SELENOF: variants seen among roughly 807,000 people sequenced by gnomAD.
The protein encoded by SELENOF is selenoprotein F.
A neutral mutation model predicts 20.5 loss-of-function variants in SELENOF; 16 were observed. The observed-to-expected ratio is 0.78, with a 90% CI of 0.53 to 1.19. The LOEUF (loss-of-function observed/expected upper bound fraction) is 1.19. Among genes scored for constraint, SELENOF ranks in the 50% most tolerant of loss-of-function variants. SELENOF has a pLI of 0.00. For missense variants in SELENOF, 215 were observed against 194.2 expected, an observed-to-expected ratio of 1.11 and a Z score of -0.64; for synonymous variants, 78 against 74.5, an observed-to-expected ratio of 1.05 and a Z score of -0.24.
chr1:86,887,115 T>A, intron 2 of SELENOF: 2 of 1,483,348 alleles, frequency 1.3e-6, no homozygotes. Flanking sequence ...CATCTTCAAG[T>A]CTTCCCCATA....
intron 1 of SELENOF, among the ~76,000 whole-genome samples, chr1:86,911,929 G>A (rs1227764733): frequency 1.3e-5 from 2 of 151,700 alleles, no homozygotes; most frequent in Admixed American, 6.6e-5. Context: ...GCGCCACCAC[G>A]CCCAGCTAAT....
Position 86,911,569 on chromosome 1 carries a change from AG to A in SELENOF, c.84+2458del, listed in dbSNP as rs773285518. Among the ~76,000 whole-genome samples the A allele has an allele frequency of 3.3e-5, 5 of 152,358 alleles. No homozygotes were observed. In the East Asian group the frequency reaches 5.8e-4, roughly 18 times the overall value. ...TTTAATCATGACAGATTTAAATTTTAGGCAGATCACTTGATGCACTGTAGAG... is the reference window on the plus strand; with the variant it reads ...TTTAATCATGACAGATTTAAATTTTAGCAGATCACTTGATGCACTGTAGAG... On this transcript the variant is annotated intron_variant, in intron 1 of 4. Coordinates refer to ENST00000331835, the MANE Select transcript of SELENOF (RefSeq NM_004261.5).
chr1:86,879,428 G>A (rs1348726520), intron 3 of SELENOF, among the ~76,000 whole-genome samples: 1 of 151,934 alleles, frequency 6.6e-6, no homozygotes, highest in Non-Finnish European at 1.5e-5. Context: ...ATCTGCTTTG[G>A]GCCTCATTAA....
intron 3 of SELENOF, among the ~76,000 whole-genome samples, chr1:86,872,780 C>T (rs897153693): frequency 3.3e-5 from 5 of 152,050 alleles, no homozygotes; most frequent in African/African-American, 9.7e-5. Flanking sequence ...TGGTAGCTCA[C>T]GCCTGTAATC....
chr1:86,867,864 T>A (rs1658650281), intron 4 of SELENOF, among the ~76,000 whole-genome samples, 189 bp downstream of exon 4: 1 of 152,054 alleles, frequency 6.6e-6, no homozygotes, highest in Non-Finnish European at 1.5e-5. Flanking sequence ...TTCATAAACC[T>A]AAAAGTGCTC....
At chr1:86,900,092 TCA>T (rs1247547330) in intron 2 of SELENOF, among the ~76,000 whole-genome samples, 1 of 149,822 alleles carries the variant, frequency 6.7e-6, no homozygotes, top group Non-Finnish European at 1.5e-5. Flanking sequence ...GAGACGCTCC[TCA>T]CTTTCCAGAC....
intron 1 of SELENOF, among the ~76,000 whole-genome samples, chr1:86,907,440 G>C (rs1425676662): frequency 6.6e-6 from 1 of 152,122 alleles, no homozygotes; most frequent in East Asian, 1.9e-4. Flanking sequence ...TTAAGGCTTT[G>C]AATTTAAGGA....
chr1:86,909,416 T>G (rs1659919670), intron 1 of SELENOF, among the ~76,000 whole-genome samples: 2 of 152,190 alleles, frequency 1.3e-5, no homozygotes, highest in South Asian at 4.1e-4. Flanking sequence ...TTTGTATTTT[T>G]GAGAGTGGTT....
intron 4 of SELENOF, 119 bp from the exon 5 acceptor site, chr1:86,863,724 A>G (rs1012898296): frequency 4.9e-5 from 40 of 820,590 alleles, no homozygotes; most frequent in Non-Finnish European, 6.7e-5. Context: ...GCTTTTAGAC[A>G]TGACAATAAA....
At chr1:86,899,455 G>C (rs572136583) in intron 2 of SELENOF, among the ~76,000 whole-genome samples, 2,438 of 127,988 alleles carry the variant, frequency 0.019, 114 homozygotes, top group Non-Finnish European at 0.029. Context: ...GCGGCTGGCC[G>C]GGCAGAGGGG....
intron 3 of SELENOF, among the ~76,000 whole-genome samples, chr1:86,877,476 T>C (rs1658951801): frequency 6.6e-6 from 1 of 152,208 alleles, no homozygotes; most frequent in South Asian, 2.1e-4. Context: ...GATTTGGAAA[T>C]ACTTGCATAC....
rs1247666087 is a variant in SELENOF at position 86,900,370 on chromosome 1, G to C, written c.252+2911C>G. Reference sequence around the variant, plus strand: ...GGAGGCCGAGGCTGGCGGATCACTCGCGGTTAGGAGCTGGAGACCAGCCCG... The same window carrying C: ...GGAGGCCGAGGCTGGCGGATCACTCCCGGTTAGGAGCTGGAGACCAGCCCG... On this transcript the variant is annotated intron_variant, in intron 2 of 4. Coordinates refer to ENST00000331835, the MANE Select transcript of SELENOF (RefSeq NM_004261.5). Among the ~76,000 whole-genome samples, 11 of 152,322 alleles carry C rather than the reference G, an allele frequency of 7.2e-5. No homozygotes were observed. In the East Asian group the frequency reaches 2.1e-3, roughly 29 times the overall value.
At chr1:86,900,040 A>C (rs1230358506) in intron 2 of SELENOF, among the ~76,000 whole-genome samples, 1 of 136,940 alleles carries the variant, frequency 7.3e-6, no homozygotes, top group African/African-American at 2.8e-5. Flanking sequence ...GGCGGCCGGG[A>C]AGAGGCGCTC....
At chr1:86,887,347 T>C (rs1203700860) in intron 2 of SELENOF, among the ~76,000 whole-genome samples, 1 of 152,220 alleles carries the variant, frequency 6.6e-6, no homozygotes, top group African/African-American at 2.4e-5. Flanking sequence ...AATGAGTTTA[T>C]GCCTAAGGAA....
At position 86,863,585 on chromosome 1, in the gene SELENOF, A is replaced by C. The variant is rs1658515362; in HGVS notation, c.387T>G (p.Pro129=). The change falls in exon 5 of 5, where the codon CCT becomes CCG. Residue 129 remains proline (P), a synonymous_variant. Coordinates refer to ENST00000331835, the MANE Select transcript of SELENOF (RefSeq NM_004261.5). ...CATTGTCGTCCAAAAGCTTTAATAC[A>C]GGGTCTGAACCACGGACATACTACA... ...LQIKYVRGSD[P]VLKLLDDNGN... 1.2e-6 allele frequency: 2 copies of C among 1,613,616 alleles called. No individual in the cohort carries two copies. Among genetic ancestry groups the C allele is most frequent in the Admixed American group, 1.7e-5 (1 of 59,982 alleles).
At chr1:86,880,547 G>A (rs1659041658) in intron 3 of SELENOF, 115 bp downstream of exon 3, 6 of 558,448 alleles carry the variant, frequency 1.1e-5, no homozygotes, top group Non-Finnish European at 1.9e-5. Context: ...AGCATATATT[G>A]TTAAGAAAGT....
intron 2 of SELENOF, among the ~76,000 whole-genome samples, chr1:86,890,753 G>A (rs561689397): frequency 7.9e-5 from 12 of 151,056 alleles, no homozygotes; most frequent in East Asian, 2.0e-4. Flanking sequence ...TGATCCTCTC[G>A]CCTTCGTCTT....
At chr1:86,887,569 T>C (rs1659253287) in intron 2 of SELENOF, among the ~76,000 whole-genome samples, 1 of 152,048 alleles carries the variant, frequency 6.6e-6, no homozygotes, top group Admixed American at 6.6e-5. Flanking sequence ...AATGAAAATA[T>C]ACAAAAAAAC....
chr1:86,881,600 T>C (rs992501574), intron 2 of SELENOF, among the ~76,000 whole-genome samples: 2 of 152,204 alleles, frequency 1.3e-5, no homozygotes, highest in African/African-American at 4.8e-5. Flanking sequence ...CTTTATTTTT[T>C]CAGGTTCTAA....
Sources: allele counts gnomAD v4.1 joint callset (sites outside exome capture counted in the v4.1 genomes callset), GRCh38; gene constraint gnomAD v4.1.1; transcripts MANE v1.5; gene names NCBI Gene and HGNC (gene_info 2026-07-23, HGNC 2026-07-21).